EPHA5: variants seen among roughly 807,000 people sequenced by gnomAD.
EPHA5 encodes EPH receptor A5.
In EPHA5, 60 loss-of-function variants were observed where a neutral mutation model predicts 105.0. That is an observed-to-expected ratio of 0.57 (90% confidence interval 0.46 to 0.71). EPHA5 has a LOEUF of 0.71. Ranked by LOEUF, EPHA5 falls within the 30% of genes least tolerant of loss-of-function variation. The pLI is 0.00. For missense variants in EPHA5, 1,218 were observed against 1,274.7 expected (o/e 0.96, Z 0.68); for synonymous variants, 513 against 449.1 (o/e 1.14, Z -1.80).
At chr4:65,489,452 A>G (rs1731199964) in intron 5 of EPHA5, among the ~76,000 whole-genome samples, 1 of 152,152 alleles carries the variant, frequency 6.6e-6, no homozygotes, top group African/African-American at 2.4e-5. Flanking sequence ...CTGAAGTACT[A>G]AGGTGATGAC....
At chr4:65,436,268 G>T (rs1725472713) in intron 5 of EPHA5, among the ~76,000 whole-genome samples, 1 of 151,858 alleles carries the variant, frequency 6.6e-6, no homozygotes. Context: ...GTATTCTTAA[G>T]ACAGTATTTA....
chr4:65,400,496 C>T (rs982015811), intron 8 of EPHA5, among the ~76,000 whole-genome samples: 1 of 152,062 alleles, frequency 6.6e-6, no homozygotes, highest in Non-Finnish European at 1.5e-5. Context: ...AGAATTCTAA[C>T]ATGTTATACT....
At chr4:65,350,122 G>A (rs1008794471) in intron 13 of EPHA5, among the ~76,000 whole-genome samples, 3 of 152,004 alleles carry the variant, frequency 2.0e-5, no homozygotes, top group Non-Finnish European at 2.9e-5. Flanking sequence ...CACTGGCAAT[G>A]GATAGTTGTA....
chr4:65,617,874 T>C (rs1174089500), intron 2 of EPHA5, among the ~76,000 whole-genome samples: 1 of 152,122 alleles, frequency 6.6e-6, no homozygotes, highest in Non-Finnish European at 1.5e-5. Flanking sequence ...GGCAAGCCCA[T>C]AGAGGTCTCA....
intron 7 of EPHA5, among the ~76,000 whole-genome samples, chr4:65,410,890 T>C (rs1314927023): frequency 2.0e-5 from 3 of 152,156 alleles, no homozygotes; most frequent in African/African-American, 7.2e-5. Context: ...ACAAATGTGA[T>C]TGATAAATCT....
In EPHA5 at chr4:65,668,812, G is replaced by A. The variant is rs534841193; in HGVS notation, c.181+750C>T. Among the ~76,000 whole-genome samples, 393 of 152,102 alleles carry A rather than the reference G, an allele frequency of 2.6e-3. 2 individuals carry two copies. Among genetic ancestry groups the A allele is most frequent in the Non-Finnish European group, 4.5e-3 (307 of 67,990 alleles). ...TCCGTCTTTAAGACATGCCCAGGTG[G>A]GTTTTAGCGGCAACTTCCTAGCAGC... On this transcript the variant is annotated intron_variant, in intron 1 of 16. Coordinates refer to ENST00000613740, the MANE Select transcript of EPHA5 (RefSeq NM_001281766.3).
At position 65,490,541 on chromosome 4, in the gene EPHA5, C is replaced by A. The variant is rs745452853; in HGVS notation, c.1238G>T (p.Arg413Met). 2.5e-6 allele frequency: 4 copies of A among 1,614,094 alleles called. No homozygotes were observed. The highest frequency in any genetic ancestry group is 2.5e-6 in the Non-Finnish European group (3 of 1,180,012). ...CAGGCCGCTTTGCCGGGGAAGGTAC[C>A]TGACATGACCGCCACACTCCTCACA... ...GVCEECGGHV[R>M]YLPRQSGLKN... Residue 413 changes from arginine (R) to methionine (M), a missense_variant, in exon 5 of 17, where the codon AGG becomes ATG. Coordinates refer to ENST00000613740, the MANE Select transcript of EPHA5 (RefSeq NM_001281766.3).
chr4:65,661,266 T>TTTG (rs200328415), intron 1 of EPHA5, among the ~76,000 whole-genome samples: 4 of 152,030 alleles, frequency 2.6e-5, no homozygotes, highest in Admixed American at 2.0e-4. Flanking sequence ...TTTGTATGCT[T>TTTG]TTGTTGTTGT....
intron 5 of EPHA5, among the ~76,000 whole-genome samples, chr4:65,451,228 T>C (rs2149107433): frequency 6.6e-6 from 1 of 152,282 alleles, no homozygotes; most frequent in Non-Finnish European, 1.5e-5. Flanking sequence ...TTTTTATTTT[T>C]TCATTTAAAA....
In EPHA5 at chr4:65,552,745, G is replaced by A. The variant is rs1197111657; in HGVS notation, c.910+48896C>T. 7.2e-5 allele frequency among the ~76,000 whole-genome samples: 11 copies of A among 152,056 alleles called. No individual in the cohort carries two copies. In the East Asian group the frequency reaches 2.1e-3, roughly 29 times the overall value. ...TCATGTTCAAGGGTTTTCTCTGCAT[G>A]TTTTGTTTTCCTTTCTAATTATATT... is the stretch of plus-strand genomic sequence containing the variant. On this transcript the variant is annotated intron_variant, in intron 3 of 16. Coordinates refer to ENST00000613740, the MANE Select transcript of EPHA5 (RefSeq NM_001281766.3).
At chr4:65,465,645 G>C (rs1433363347) in intron 5 of EPHA5, among the ~76,000 whole-genome samples, 2 of 152,108 alleles carry the variant, frequency 1.3e-5, no homozygotes, top group Non-Finnish European at 2.9e-5. Context: ...ACAAAAAGCG[G>C]AAATAATAGG....
intron 3 of EPHA5, among the ~76,000 whole-genome samples, chr4:65,579,234 TC>T (rs1220229919): frequency 6.0e-5 from 9 of 151,112 alleles, no homozygotes; most frequent in African/African-American, 2.2e-4. Flanking sequence ...TACTGTCCCA[TC>T]ATATTAGTTA....
chr4:65,539,038 T>C (rs1181803351), intron 3 of EPHA5, among the ~76,000 whole-genome samples: 1 of 151,714 alleles, frequency 6.6e-6, no homozygotes, highest in African/African-American at 2.4e-5. Context: ...GTGTTTTATG[T>C]TCTCCTTGTT....
At position 65,374,004 on chromosome 4, in the gene EPHA5, A is replaced by C. The variant is rs75251819; in HGVS notation, c.1794-6580T>G. ...TATACATTGGTTTCTGTAAGCACAA[A>C]CACAGATGAATATTTGAGGATAAAG... On this transcript the variant is annotated intron_variant, in intron 8 of 16. Coordinates refer to ENST00000613740, the MANE Select transcript of EPHA5 (RefSeq NM_001281766.3). Among the ~76,000 whole-genome samples, 1,233 of 152,104 alleles carry C rather than the reference A, an allele frequency of 8.1e-3. 7 individuals carry two copies. The highest frequency in any genetic ancestry group is 0.027 in the Middle Eastern group (8 of 294).
At chr4:65,518,680 A>T (rs1332751423) in intron 3 of EPHA5, among the ~76,000 whole-genome samples, 2 of 152,034 alleles carry the variant, frequency 1.3e-5, no homozygotes, top group Non-Finnish European at 2.9e-5. Flanking sequence ...TACCCTTTAA[A>T]TAGGTAAGTT....
At chr4:65,412,076 A>G (rs1210394256) in intron 7 of EPHA5, among the ~76,000 whole-genome samples, 1 of 152,092 alleles carries the variant, frequency 6.6e-6, no homozygotes, top group Non-Finnish European at 1.5e-5. Context: ...TAAAAATGCA[A>G]ACTTAGCCAG....
chr4:65,324,056 T>G lies in EPHA5; in HGVS notation c.*58A>C. 8.9e-7 allele frequency: 1 copy of G among 1,124,446 alleles called. No individual in the cohort carries two copies. The highest frequency in any genetic ancestry group is 1.3e-6 in the Non-Finnish European group (1 of 747,284). The allele number at this position is 1,124,446 out of a possible 1,614,324, so 69.7% of individuals were successfully genotyped here. A position where few individuals can be genotyped will look rare whatever the true frequency, so the allele number is the denominator to read the frequency against. On this transcript the variant is annotated 3_prime_UTR_variant, in exon 17 of 17. Transcript: ENST00000613740. Reference sequence around the variant, plus strand: ...CCCCCTTTTTTTGTTAAAATAAATCTCAGTGCTGTTTACAAAGTGCAGAAT... The same window carrying G: ...CCCCCTTTTTTTGTTAAAATAAATCGCAGTGCTGTTTACAAAGTGCAGAAT...
chr4:65,490,873 T>A (rs905356734), intron 4 of EPHA5, among the ~76,000 whole-genome samples, 161 bp from the exon 5 acceptor site: 3 of 152,202 alleles, frequency 2.0e-5, no homozygotes, highest in Non-Finnish European at 4.4e-5. Flanking sequence ...GGGACAATAG[T>A]GGGGTTTATT....
chr4:65,573,883 G>C lies in EPHA5; in HGVS notation c.910+27758C>G, dbSNP rs1472048730. 1.3e-4 allele frequency: 213 copies of C among 1,612,284 alleles called. 3 individuals are homozygous for C. The South Asian group carries it at 2.1e-3, about 16-fold the overall frequency. Reference sequence around the variant, plus strand: ...TTCAGTCAGCACGTGAGAAAACTGCGAGCCAGCATTACCCCCGGGACCATT... The same window carrying C: ...TTCAGTCAGCACGTGAGAAAACTGCCAGCCAGCATTACCCCCGGGACCATT... On this transcript the variant is annotated intron_variant, in intron 3 of 16. Coordinates refer to ENST00000613740, the MANE Select transcript of EPHA5 (RefSeq NM_001281766.3).
Sources: gnomAD v4.1 joint callset for allele counts (sites outside exome capture counted in the v4.1 genomes callset) on GRCh38, gnomAD v4.1.1 for gene constraint, MANE v1.5 for transcripts, NCBI Gene and HGNC (gene_info 2026-07-23, HGNC 2026-07-21) for gene names.